Variants in NRTN observed in about 807,000 individuals in gnomAD.
The protein encoded by NRTN is neurturin, also known as prepro-neurturin.
In NRTN, 3 loss-of-function variants were observed where a neutral mutation model predicts 7.5. The observed-to-expected ratio is 0.40, with a 90% CI of 0.18 to 1.03. NRTN has a LOEUF of 1.03. Ranked by LOEUF, NRTN falls within the 50% of genes least tolerant of loss-of-function variation. The probability of loss-of-function intolerance (pLI) is 0.34; values close to 1 mark genes in which losing one functional copy is unlikely to be tolerated. For synonymous variants in NRTN, 157 were observed against 146.6 expected, an observed-to-expected ratio of 1.07 and a Z score of -0.51; for missense variants, 310 against 307.0, an observed-to-expected ratio of 1.01 and a Z score of -0.07.
chr19:5,812,581 G>A (rs1478719058), intron 1 of NRTN, among the ~76,000 whole-genome samples: 4 of 152,228 alleles, frequency 2.6e-5, no homozygotes, highest in Non-Finnish European at 4.4e-5. Flanking sequence ...GATGTGTGTC[G>A]CCAGTTCGAG....
rs1323576429 is a variant in NRTN, at chr19:5,828,184, C to T, written c.*11C>T. The T allele has an allele frequency of 6.5e-7, 1 of 1,529,694 alleles. No individual in the cohort carries two copies. 94.8% of individuals were successfully genotyped at this position (1,529,694 alleles called of 1,614,324 possible). Reference sequence around the variant, plus strand: ...TGCGCCTGCGTGTGACCCTACCTCACTCGGCCGGCGCGGCGGCCACTCCCC... The same window carrying T: ...TGCGCCTGCGTGTGACCCTACCTCATTCGGCCGGCGCGGCGGCCACTCCCC... On this transcript the variant is annotated 3_prime_UTR_variant, in exon 3 of 3. Transcript: ENST00000303212.
chr19:5,814,898 A>G (rs2057000278), intron 1 of NRTN, among the ~76,000 whole-genome samples: 3 of 152,156 alleles, frequency 2.0e-5, no homozygotes, highest in African/African-American at 7.2e-5. Context: ...CCTCCAGGCA[A>G]TGCAGGTTCT....
chr19:5,820,877 C>G (rs144949340), intron 1 of NRTN, among the ~76,000 whole-genome samples: 1 of 152,054 alleles, frequency 6.6e-6, no homozygotes, highest in Non-Finnish European at 1.5e-5. Context: ...AGGCCCTGCA[C>G]GAGCTGCTTC....
rs1568401275 is a variant in NRTN at position 5,827,904 on chromosome 19, G to C, written c.325G>C (p.Glu109Gln). ...GCGGCCTTGCGGGCTGCGCGAGCTG[G>C]AGGTGCGCGTGAGCGAGCTGGGCCT... ...GARPCGLREL[E>Q]VRVSELGLGY... The change falls in exon 3 of 3, where the codon GAG (glutamate) becomes CAG (glutamine). Residue 109 changes from glutamate to glutamine, a missense_variant. Transcript: ENST00000303212. 2 of 1,440,068 alleles carry C rather than the reference G, an allele frequency of 1.4e-6. No homozygotes were observed. The highest frequency in any genetic ancestry group is 1.5e-5 in the African/African-American group (1 of 68,392). 89.2% of individuals were successfully genotyped at this position (1,440,068 alleles called of 1,614,324 possible).
intron 2 of NRTN, among the ~76,000 whole-genome samples, chr19:5,827,354 AG>A (rs2057050304): frequency 6.6e-6 from 1 of 151,872 alleles, no homozygotes; most frequent in South Asian, 2.1e-4. Flanking sequence ...ATGGAGGACG[AG>A]GAGAATGGAG....
chr19:5,811,392 G>A (rs577136889), intron 1 of NRTN, among the ~76,000 whole-genome samples: 1 of 152,278 alleles, frequency 6.6e-6, no homozygotes, highest in East Asian at 1.9e-4. Flanking sequence ...TTGAATCTGA[G>A]CAAGTTACTT....
chr19:5,827,681 G>T, intron 2 of NRTN, 68 bp from the exon 3 acceptor site: 1 of 672,218 alleles, frequency 1.5e-6, no homozygotes, highest in South Asian at 6.8e-5. Flanking sequence ...GGTACAGAGA[G>T]GGTAGGGGGC....
chr19:5,821,258 C>T (rs2057023528), intron 1 of NRTN, among the ~76,000 whole-genome samples: 1 of 150,398 alleles, frequency 6.6e-6, no homozygotes, highest in East Asian at 2.0e-4. Context: ...AAATTCTGGA[C>T]CCTCCAATTC....
In NRTN at chr19:5,806,169, G is replaced by T. The variant is rs897340804; in HGVS notation, c.-399+718G>T. 3.3e-5 allele frequency among the ~76,000 whole-genome samples: 5 copies of T among 152,148 alleles called. No homozygotes were observed. Among genetic ancestry groups the T allele is most frequent in the East Asian group, 1.9e-4 (1 of 5,172 alleles). ...GGATAGCCCCGAATTGTCCCAGGAG[G>T]TGGTTTGTGGATTAGGAGTTATTAG... On this transcript the variant is annotated intron_variant, in intron 1 of 2. Coordinates refer to ENST00000303212, the MANE Select transcript of NRTN (RefSeq NM_004558.5). This position sits in a 1 kb window ranked among gnomAD's most constrained non-coding sequence, Gnocchi z 5.4.
chr19:5,814,904 G>A (rs930561130), intron 1 of NRTN, among the ~76,000 whole-genome samples: 3 of 152,190 alleles, frequency 2.0e-5, no homozygotes, highest in African/African-American at 7.2e-5. Context: ...GGCAATGCAG[G>A]TTCTCCAGGA....
At chr19:5,807,817 T>C (rs1212183353) in intron 1 of NRTN, among the ~76,000 whole-genome samples, 1 of 152,220 alleles carries the variant, frequency 6.6e-6, no homozygotes, top group Non-Finnish European at 1.5e-5. Flanking sequence ...GTGCAGTGGC[T>C]CATGCCTGTA....
Position 5,828,207 on chromosome 19 carries a change from C to A in NRTN, c.*34C>A. The stretch of plus-strand genomic sequence containing the variant: ...CACTCGGCCGGCGCGGCGGCCACTC[C>A]CCCCGCCTCGACGGCACCACTGGCC... On this transcript the variant is annotated 3_prime_UTR_variant, in exon 3 of 3. Coordinates refer to ENST00000303212, the MANE Select transcript of NRTN (RefSeq NM_004558.5). 1.3e-6 allele frequency: 2 copies of A among 1,526,142 alleles called. No homozygotes were observed. The highest frequency in any genetic ancestry group is 1.8e-6 in the Non-Finnish European group (2 of 1,142,130). 94.5% of individuals were successfully genotyped at this position (1,526,142 alleles called of 1,614,324 possible).
In NRTN at chr19:5,824,081, G is replaced by A. The variant is rs1021838818; in HGVS notation, c.-85G>A. The A allele has an allele frequency of 2.6e-6, 4 of 1,560,440 alleles. No individual in the cohort carries two copies. The highest frequency in any genetic ancestry group is 2.3e-4 in the Middle Eastern group (1 of 4,392). ...TTCAAAGTCAAAGGCCCCACACTGA[G>A]TCCTGGCCCAGCGCCCTGTGCCCGT... On this transcript the variant is annotated 5_prime_UTR_variant, in exon 2 of 3. Transcript: ENST00000303212.
At chr19:5,814,535 C>T (rs1039003932) in intron 1 of NRTN, among the ~76,000 whole-genome samples, 3 of 152,126 alleles carry the variant, frequency 2.0e-5, no homozygotes, top group South Asian at 2.1e-4. Flanking sequence ...TGGGTGTGCC[C>T]GGCAGGTGTC....
chr19:5,806,082 G>A lies in NRTN; in HGVS notation c.-399+631G>A, dbSNP rs1292058950. ...GGTCCCTTAAGGGCAAAGCCTGGAT[G>A]TGAAGTGGCGGGAGGCTGTGCCTGC... is the stretch of plus-strand genomic sequence containing the variant. On this transcript the variant is annotated intron_variant, in intron 1 of 2. Coordinates refer to ENST00000303212, the MANE Select transcript of NRTN (RefSeq NM_004558.5). The surrounding 1 kb of genome is among the most constrained non-coding windows in gnomAD (Gnocchi z 5.4). Among the ~76,000 whole-genome samples, 2 of 152,202 alleles carry A rather than the reference G, an allele frequency of 1.3e-5. No homozygotes were observed. The highest frequency in any genetic ancestry group is 4.8e-5 in the African/African-American group (2 of 41,460).
rs1040970050 is a variant in NRTN at position 5,805,343 on chromosome 19, C to A, written c.-507C>A. On this transcript the variant is annotated 5_prime_UTR_variant, in exon 1 of 3. Transcript: ENST00000303212. ...CGCGGCCGCCCCCTCCGGCCCGGGCCCCCCCCGGGCACCGCGGGCCCAGGC... is the reference window on the plus strand; with the variant it reads ...CGCGGCCGCCCCCTCCGGCCCGGGCACCCCCCGGGCACCGCGGGCCCAGGC... 7.3e-6 allele frequency among the ~76,000 whole-genome samples: 1 copy of A among 137,070 alleles called. No individual in the cohort carries two copies. The highest frequency in any genetic ancestry group is 1.5e-5 in the Non-Finnish European group (1 of 65,710). The allele number at this position is 137,070 out of a possible 152,430, so 89.9% of individuals were successfully genotyped here.
At position 5,824,262 on chromosome 19, in the gene NRTN, C is replaced by G; in HGVS notation, c.97C>G (p.Leu33Val). The change falls in exon 2 of 3, where the codon CTC becomes GTC. Residue 33 changes from leucine to valine, a missense_variant. Coordinates refer to ENST00000303212, the MANE Select transcript of NRTN (RefSeq NM_004558.5). ...AGAGGGCCTGCTTCTCAGCCACCGC[C>G]TCGGACCTGCGCTGGTCCCCCTGCA... The part of the protein sequence containing the change: ...CREGLLLSHR[L>V]GPALVPLHRL... 6.2e-7 allele frequency: 1 copy of G among 1,611,384 alleles called. No individual in the cohort carries two copies. Among genetic ancestry groups the G allele is most frequent in the Non-Finnish European group, 8.5e-7 (1 of 1,179,600 alleles).
At chr19:5,809,256 C>T (rs2056982996) in intron 1 of NRTN, among the ~76,000 whole-genome samples, 1 of 151,490 alleles carries the variant, frequency 6.6e-6, no homozygotes, top group East Asian at 1.9e-4. Flanking sequence ...TTGCAGCCTC[C>T]ACCTCCTGGA....
intron 1 of NRTN, among the ~76,000 whole-genome samples, chr19:5,820,499 G>T (rs1228412671): frequency 2.7e-5 from 4 of 150,922 alleles, no homozygotes; most frequent in African/African-American, 9.7e-5. Context: ...CCAGGAGGCG[G>T]AGGTTGCAGT....
Sources: allele counts gnomAD v4.1 joint callset (sites outside exome capture counted in the v4.1 genomes callset), GRCh38; gene constraint gnomAD v4.1.1; non-coding constraint Gnocchi (gnomAD v3.1); transcripts MANE v1.5; gene names NCBI Gene and HGNC (gene_info 2026-07-23, HGNC 2026-07-21).